The following MCM9 variants were observed in gnomAD, a reference collection of about 807,000 sequenced individuals.
MCM9 encodes the protein DNA helicase MCM9.
In MCM9, 55 loss-of-function variants were observed where a neutral mutation model predicts 72.8. The observed-to-expected ratio is 0.76, with a 90% CI of 0.61 to 0.95. MCM9 has a LOEUF of 0.95. Ranked by LOEUF, MCM9 falls within the 40% of genes least tolerant of loss-of-function variation. The pLI, the probability that MCM9 is intolerant of heterozygous loss-of-function variation, is 0.00. For synonymous variants in MCM9, 480 were observed against 503.4 expected, an observed-to-expected ratio of 0.95 and a Z score of 0.62; for missense variants, 1,279 against 1,377.0, an observed-to-expected ratio of 0.93 and a Z score of 1.13.
At chr6:118,845,806 C>A (rs948036733) in intron 9 of MCM9, among the ~76,000 whole-genome samples, 2 of 151,762 alleles carry the variant, frequency 1.3e-5, no homozygotes, top group Non-Finnish European at 2.9e-5. Flanking sequence ...GAAATTTTTT[C>A]TAGTCTAAAC....
At position 118,871,167 on chromosome 6, in the gene MCM9, A is replaced by G. The variant is rs537428973; in HGVS notation, c.1151-14622T>C. 2.0e-5 allele frequency among the ~76,000 whole-genome samples: 3 copies of G among 152,324 alleles called. No individual in the cohort carries two copies. In the South Asian group the frequency reaches 6.2e-4, roughly 32 times the overall value. On this transcript the variant is annotated intron_variant, in intron 8 of 13. Transcript: ENST00000619706. ...CAAAAAAAATTTACAGGCCAATATC[A>G]CTGATTAACAGAGATACAAAAATCT...
chr6:118,826,047 TGATA>T (rs768292285), intron 13 of MCM9, 96 bp downstream of exon 13: 94 of 1,321,362 alleles, frequency 7.1e-5, no homozygotes, highest in East Asian at 4.5e-4. Context: ...ACCCAACACC[TGATA>T]GATAGATTTT....
intron 9 of MCM9, among the ~76,000 whole-genome samples, chr6:118,851,957 C>T (rs1307523532): frequency 6.6e-6 from 1 of 152,114 alleles, no homozygotes. Context: ...GGTTGCTTAA[C>T]AAGAGGCTAT....
intron 8 of MCM9, among the ~76,000 whole-genome samples, chr6:118,884,287 A>G (rs1420568834): frequency 6.6e-6 from 1 of 152,220 alleles, no homozygotes; most frequent in Non-Finnish European, 1.5e-5. Context: ...TATGTGTAAC[A>G]ATTACAGCAT....
At chr6:118,853,338 C>T (rs913005393) in intron 9 of MCM9, among the ~76,000 whole-genome samples, 3 of 152,110 alleles carry the variant, frequency 2.0e-5, no homozygotes, top group Non-Finnish European at 2.9e-5. Flanking sequence ...CTTAAAACAA[C>T]GTAAGTCCTC....
chr6:118,815,237 C>T lies in MCM9; in HGVS notation c.3019G>A (p.Val1007Met), dbSNP rs1441130483. Residue 1007 changes from valine (V) to methionine (M), a missense_variant, in exon 14 of 14, where the codon GTG becomes ATG. Coordinates refer to ENST00000619706, the MANE Select transcript of MCM9 (RefSeq NM_017696.3). ...PPEKHGPREK[V>M]MCAPEKRIIQ... ...ATCCTCTTCTCAGGGGCACACATCACCTTCTCTCTTGGTCCGTGTTTCTCT... is the reference window on the plus strand; with the variant it reads ...ATCCTCTTCTCAGGGGCACACATCATCTTCTCTCTTGGTCCGTGTTTCTCT... 1 of 1,550,550 alleles carries T rather than the reference C, an allele frequency of 6.4e-7. No individual in the cohort carries two copies. The highest frequency in any genetic ancestry group is 8.7e-7 in the Non-Finnish European group (1 of 1,146,984).
At chr6:118,933,518 AAGAG>A (rs1252153315) in intron 1 of MCM9, among the ~76,000 whole-genome samples, 1 of 151,838 alleles carries the variant, frequency 6.6e-6, no homozygotes, top group Non-Finnish European at 1.5e-5. Context: ...AAAAAAAAAA[AAGAG>A]AGAAACACTT....
rs1467157818 is a variant in MCM9, at chr6:118,894,372, G to A, written c.1150+17278C>T. 5.2e-6 allele frequency: 8 copies of A among 1,535,624 alleles called. No homozygotes were observed. In the East Asian group the frequency reaches 2.0e-4, roughly 38 times the overall value. Reference sequence around the variant, plus strand: ...GCCGCGCGCTGGACTTTATTGTGCCGCAACCAGCCCCAGTTCCCATTGTTT... The same window carrying A: ...GCCGCGCGCTGGACTTTATTGTGCCACAACCAGCCCCAGTTCCCATTGTTT... On this transcript the variant is annotated intron_variant, in intron 8 of 13. Coordinates refer to ENST00000619706, the MANE Select transcript of MCM9 (RefSeq NM_017696.3).
At chr6:118,826,089 C>T (rs1774149188) in intron 13 of MCM9, 58 bp downstream of exon 13, 2 of 1,509,502 alleles carry the variant, frequency 1.3e-6, no homozygotes, top group Admixed American at 2.2e-5. Context: ...TGCTTTGTTT[C>T]ACTAAATGCC....
chr6:118,871,020 C>T (rs940166633), intron 8 of MCM9, among the ~76,000 whole-genome samples: 1 of 152,030 alleles, frequency 6.6e-6, no homozygotes, highest in African/African-American at 2.4e-5. Flanking sequence ...TTTTACCAAA[C>T]ATATAAAGAA....
intron 3 of MCM9, among the ~76,000 whole-genome samples, chr6:118,925,402 C>T (rs1350172482): frequency 1.3e-5 from 2 of 152,160 alleles, no homozygotes; most frequent in African/African-American, 4.8e-5. Context: ...AGCATATTTT[C>T]TCCTAGTTGA....
At chr6:118,869,612 A>AAAAAAAAAAAAAAAAAAT (rs1264251728) in intron 8 of MCM9, among the ~76,000 whole-genome samples, 1 of 149,900 alleles carries the variant, frequency 6.7e-6, no homozygotes, top group South Asian at 2.1e-4. Context: ...AAAAAAAAAA[A>AAAAAAAAAAAAAAAAAAT]AAAAAAAGAA....
At chr6:118,875,365 G>A (rs140821994) in intron 8 of MCM9, among the ~76,000 whole-genome samples, 66 of 152,318 alleles carry the variant, frequency 4.3e-4, no homozygotes, top group African/African-American at 1.5e-3. Context: ...GCTGGGCGCA[G>A]TGGCTCACAT....
chr6:118,839,092 T>G (rs1370595057), intron 9 of MCM9, among the ~76,000 whole-genome samples: 1 of 152,080 alleles, frequency 6.6e-6, no homozygotes, highest in Admixed American at 6.5e-5. Context: ...TTTCATATAG[T>G]CCCATATTTC....
rs564191556 is a variant in MCM9, at chr6:118,917,601, G to A, written c.864C>T (p.Phe288=). The change falls in exon 6 of 14, where the codon TTC becomes TTT. Residue 288 remains phenylalanine (F), a synonymous_variant. Transcript: ENST00000619706. The stretch of plus-strand genomic sequence containing the variant: ...TCTTATAGTATTCCCAAAAATCTTC[G>A]AATTCCTTTTGGACCTCCTCATCCA... ...IIMDEEVQKE[F]EDFWEYYKSD... 8.7e-6 allele frequency: 14 copies of A among 1,614,056 alleles called. No individual in the cohort carries two copies. Among genetic ancestry groups the A allele is most frequent in the South Asian group, 3.3e-5 (3 of 91,084 alleles).
intron 8 of MCM9, among the ~76,000 whole-genome samples, chr6:118,863,228 A>T (rs138447483): frequency 0.076 from 11,619 of 152,248 alleles, 688 homozygotes; most frequent in East Asian, 0.19. Flanking sequence ...ATGAGATGAA[A>T]GATCTAAGGA....
intron 8 of MCM9, among the ~76,000 whole-genome samples, chr6:118,893,397 T>A (rs1779079443): frequency 6.6e-6 from 1 of 152,182 alleles, no homozygotes; most frequent in Non-Finnish European, 1.5e-5. Context: ...CCTGCTATGC[T>A]CTCCAAATGG....
At chr6:118,823,971 A>G (rs913366329) in intron 13 of MCM9, among the ~76,000 whole-genome samples, 1 of 148,594 alleles carries the variant, frequency 6.7e-6, no homozygotes, top group Non-Finnish European at 1.5e-5. Flanking sequence ...CCCCAAAATT[A>G]TTGTAAACAT....
At chr6:118,836,882 G>T (rs1020887277) in intron 9 of MCM9, among the ~76,000 whole-genome samples, 4 of 152,064 alleles carry the variant, frequency 2.6e-5, no homozygotes, top group African/African-American at 9.7e-5. Context: ...TCTTCTGCTA[G>T]CTTTTGAATT....
Sources: allele counts gnomAD v4.1 joint callset (sites outside exome capture counted in the v4.1 genomes callset), GRCh38; gene constraint gnomAD v4.1.1; transcripts MANE v1.5; gene names NCBI Gene and HGNC (gene_info 2026-07-23, HGNC 2026-07-21).